MYOCD: variants seen among roughly 807,000 people sequenced by gnomAD.
The protein encoded by MYOCD is myocardin.
A neutral mutation model predicts 96.1 loss-of-function variants in MYOCD; 32 were observed. The ratio of observed to expected loss-of-function variants is 0.33; its 90% CI spans 0.25 to 0.45. MYOCD has a LOEUF of 0.45. Ranked by LOEUF, MYOCD falls within the 20% of genes least tolerant of loss-of-function variation. The probability of loss-of-function intolerance (pLI) is 1.00; values close to 1 mark genes in which losing one functional copy is unlikely to be tolerated. For synonymous variants in MYOCD, 469 were observed against 469.0 expected, an observed-to-expected ratio of 1.00 and a Z score of 0.00; for missense variants, 1,133 against 1,200.6, an observed-to-expected ratio of 0.94 and a Z score of 0.83.
intron 1 of MYOCD, among the ~76,000 whole-genome samples, chr17:12,703,527 G>A (rs914742254): frequency 5.3e-5 from 8 of 151,786 alleles, no homozygotes; most frequent in Non-Finnish European, 1.2e-4. Flanking sequence ...TTATAATTAC[G>A]AAATTTCCAT....
intron 1 of MYOCD, among the ~76,000 whole-genome samples, chr17:12,697,251 CA>C (rs151061987): frequency 0.015 from 2,190 of 150,652 alleles, 55 homozygotes; most frequent in African/African-American, 0.049. Context: ...TTTTTCAATC[CA>C]ATCCCATATG....
intron 5 of MYOCD, among the ~76,000 whole-genome samples, chr17:12,735,901 C>G (rs568205073): frequency 6.6e-6 from 1 of 152,222 alleles, no homozygotes; most frequent in Admixed American, 6.5e-5. Context: ...CCAAAGAAAA[C>G]AGGAAGAAAT....
intron 1 of MYOCD, among the ~76,000 whole-genome samples, chr17:12,696,892 C>T (rs1382278082): frequency 6.6e-6 from 1 of 152,012 alleles, no homozygotes; most frequent in Admixed American, 6.6e-5. Context: ...TTGGTGAATT[C>T]GAGGATTGTA....
At chr17:12,733,885 A>AAAAAAAAAAAAAAG (rs1567591071) in intron 5 of MYOCD, among the ~76,000 whole-genome samples, 5 of 139,792 alleles carry the variant, frequency 3.6e-5, no homozygotes, top group Admixed American at 7.1e-5. Context: ...AAAAAAGAAA[A>AAAAAAAAAAAAAAG]AAAGAAAGAA....
At chr17:12,702,503 ACT>A (rs1402823300) in intron 1 of MYOCD, among the ~76,000 whole-genome samples, 1 of 151,628 alleles carries the variant, frequency 6.6e-6, no homozygotes, top group Non-Finnish European at 1.5e-5. Flanking sequence ...TTTCTGATAC[ACT>A]CTGTTTTATT....
intron 1 of MYOCD, among the ~76,000 whole-genome samples, chr17:12,699,875 G>T (rs1597753297): frequency 1.4e-5 from 2 of 145,754 alleles, no homozygotes; most frequent in African/African-American, 5.0e-5. Context: ...CCTCTTGAAA[G>T]ATAGTAATAT....
rs140998123 is a variant in MYOCD, at chr17:12,687,536, T to A, written c.56-17592T>A. ...TTTATTTTTGTTTTATTGATCACTC[T>A]TTTGAAATAAATGTATATTTTCTTC... On this transcript the variant is annotated intron_variant, in intron 1 of 13. Coordinates refer to ENST00000425538, the MANE Select transcript of MYOCD (RefSeq NM_001146312.3). Among the ~76,000 whole-genome samples the A allele has an allele frequency of 3.0e-3, 450 of 152,354 alleles. 2 individuals are homozygous for A. Among genetic ancestry groups the A allele is most frequent in the African/African-American group, 0.01 (420 of 41,582 alleles).
intron 10 of MYOCD, among the ~76,000 whole-genome samples, chr17:12,755,662 A>G (rs1016431865): frequency 2.0e-5 from 3 of 152,166 alleles, no homozygotes; most frequent in African/African-American, 7.2e-5. Flanking sequence ...TCACGAGGTC[A>G]GGAGATAGAG....
rs757736564 is a variant in MYOCD at position 12,744,409 on chromosome 17, A to T, written c.944A>T (p.Tyr315Phe). 1.9e-6 allele frequency: 3 copies of T among 1,613,036 alleles called. No homozygotes were observed. The highest frequency in any genetic ancestry group is 2.7e-5 in the African/African-American group (2 of 74,894). Residue 315 changes from tyrosine to phenylalanine, a missense_variant, in exon 8 of 14, where the codon TAC becomes TTC. Physicochemically the swap from Tyr to Phe is conservative, Grantham distance 22. Transcript: ENST00000425538. Reference sequence around the variant, plus strand: ...CAGCAGCAGCAACACCGATTCAGCTACCTAGGGATGCACCAAGCTCAGCTT... The same window carrying T: ...CAGCAGCAGCAACACCGATTCAGCTTCCTAGGGATGCACCAAGCTCAGCTT... ...QQQQQQHRFS[Y>F]LGMHQAQLKE...
intron 7 of MYOCD, among the ~76,000 whole-genome samples, chr17:12,743,975 G>A (rs1466212011): frequency 6.6e-6 from 1 of 152,192 alleles, no homozygotes; most frequent in East Asian, 1.9e-4. Flanking sequence ...TCTAAGGAGT[G>A]TCCTTCCAGT....
intron 13 of MYOCD, chr17:12,761,653 C>T (rs972240314): frequency 3.3e-5 from 5 of 152,474 alleles, no homozygotes; most frequent in African/African-American, 1.2e-4. Flanking sequence ...GAGACGGAGT[C>T]TCACTCTGTC....
In MYOCD at chr17:12,768,036, C is replaced by T. The variant is rs1457438891; in HGVS notation, c.*4392C>T. The stretch of plus-strand genomic sequence containing the variant: ...AAATTGCTGGTACACAGTTTGCAAT[C>T]AAATATCAGATATGAGAAAACCTGT... On this transcript the variant is annotated 3_prime_UTR_variant, in exon 14 of 14. Coordinates refer to ENST00000425538, the MANE Select transcript of MYOCD (RefSeq NM_001146312.3). 2 of 152,170 alleles carry T rather than the reference C, an allele frequency of 1.3e-5. No individual in the cohort carries two copies. The highest frequency in any genetic ancestry group is 2.9e-5 in the Non-Finnish European group (2 of 68,036). The allele number at this position is 152,170 out of a possible 1,614,324, so 9.4% of individuals were successfully genotyped here.
rs989693691 is a variant in MYOCD, at chr17:12,734,798, C to T, written c.416-1363C>T. Among the ~76,000 whole-genome samples the T allele has an allele frequency of 1.4e-4, 22 of 152,214 alleles. 1 individual carries two copies. Among genetic ancestry groups the T allele is most frequent in the African/African-American group, 4.3e-4 (18 of 41,544 alleles). ...TGCTGGGATTACAGGCATGAGCCAC[C>T]GTGCCCAGCCACATTAGGCATTTTT... is the stretch of plus-strand genomic sequence containing the variant. On this transcript the variant is annotated intron_variant, in intron 5 of 13. Transcript: ENST00000425538.
intron 5 of MYOCD, among the ~76,000 whole-genome samples, chr17:12,730,362 C>T (rs968102588): frequency 4.0e-5 from 6 of 151,370 alleles, no homozygotes; most frequent in African/African-American, 4.9e-5. Flanking sequence ...GCAGGAGAAT[C>T]GCTTGAACCT....
At chr17:12,739,928 TTTTTTC>T (rs1255643943) in intron 7 of MYOCD, among the ~76,000 whole-genome samples, 1 of 152,068 alleles carries the variant, frequency 6.6e-6, no homozygotes, top group Non-Finnish European at 1.5e-5. Context: ...AGTGGTGATT[TTTTTTC>T]TTTTTCTTTT....
At chr17:12,693,402 G>T (rs982598383) in intron 1 of MYOCD, among the ~76,000 whole-genome samples, 1 of 152,018 alleles carries the variant, frequency 6.6e-6, no homozygotes, top group Non-Finnish European at 1.5e-5. Flanking sequence ...CCGAGGTCAG[G>T]AGTTCAAGAC....
chr17:12,670,235 C>T (rs998625100), intron 1 of MYOCD, among the ~76,000 whole-genome samples: 1 of 152,146 alleles, frequency 6.6e-6, no homozygotes, highest in Non-Finnish European at 1.5e-5. Flanking sequence ...GTGGGACCCA[C>T]CCCACTGTGT....
chr17:12,753,442 G>A, intron 10 of MYOCD, 96 bp downstream of exon 10: 2 of 1,148,930 alleles, frequency 1.7e-6, no homozygotes, highest in South Asian at 1.6e-5. Flanking sequence ...AATTTTCAAT[G>A]GGAAGGGTTT....
At chr17:12,687,551 A>G (rs1324189848) in intron 1 of MYOCD, among the ~76,000 whole-genome samples, 2 of 152,228 alleles carry the variant, frequency 1.3e-5, no homozygotes, top group East Asian at 3.8e-4. Context: ...AAATAAATGT[A>G]TATTTTCTTC....
Sources: allele counts gnomAD v4.1 joint callset (sites outside exome capture counted in the v4.1 genomes callset), GRCh38; gene constraint gnomAD v4.1.1; transcripts MANE v1.5; gene names NCBI Gene and HGNC (gene_info 2026-07-23, HGNC 2026-07-21).